FGD5: variants seen among roughly 807,000 people sequenced by gnomAD.
The protein encoded by FGD5 is FYVE, RhoGEF and PH domain containing 5.
A neutral mutation model predicts 133.4 loss-of-function variants in FGD5; 28 were observed. That is an observed-to-expected ratio of 0.21 (90% CI 0.16 to 0.29). The LOEUF is 0.29. FGD5 is among the 10% of genes least tolerant of loss of function. The probability of loss-of-function intolerance (pLI) is 1.00; values close to 1 mark genes in which losing one functional copy is unlikely to be tolerated. For synonymous variants in FGD5, 810 were observed against 776.5 expected, an observed-to-expected ratio of 1.04 and a Z score of -0.72; for missense variants, 1,858 against 1,895.2, an observed-to-expected ratio of 0.98 and a Z score of 0.36.
intron 1 of FGD5, among the ~76,000 whole-genome samples, chr3:14,849,070 CAA>C (rs577476957): frequency 3.3e-4 from 50 of 152,302 alleles, no homozygotes; most frequent in African/African-American, 1.1e-3. Flanking sequence ...AGTGACATGA[CAA>C]GAGCATGTGT....
chr3:14,880,143 T>G (rs995514794), intron 2 of FGD5, among the ~76,000 whole-genome samples: 2 of 151,982 alleles, frequency 1.3e-5, no homozygotes, highest in Non-Finnish European at 2.9e-5. Flanking sequence ...GCCCAGGAGT[T>G]CAAGACCAGC....
intron 17 of FGD5, among the ~76,000 whole-genome samples, chr3:14,924,811 C>G (rs2013496): frequency 6.6e-6 from 1 of 152,276 alleles, no homozygotes; most frequent in Non-Finnish European, 1.5e-5. Flanking sequence ...TCTTGGAAAT[C>G]ACACATACGG....
At chr3:14,908,099 A>C (rs552891114) in intron 10 of FGD5, among the ~76,000 whole-genome samples, 34 of 152,344 alleles carry the variant, frequency 2.2e-4, no homozygotes, top group Admixed American at 1.6e-3. Context: ...GAGGAGATAA[A>C]TCCACTCTCT....
intron 7 of FGD5, among the ~76,000 whole-genome samples, chr3:14,899,820 AC>A (rs2038203594): frequency 6.6e-6 from 1 of 152,164 alleles, no homozygotes; most frequent in African/African-American, 2.4e-5. Flanking sequence ...ATCAGGGAAG[AC>A]CTCTCTGAGG....
chr3:14,877,238 G>A (rs2037737154), intron 2 of FGD5, among the ~76,000 whole-genome samples: 1 of 152,226 alleles, frequency 6.6e-6, no homozygotes, highest in African/African-American at 2.4e-5. Flanking sequence ...GCGTGCCTCG[G>A]GCACACAGCC....
Position 14,819,515 on chromosome 3 carries a change from G to A in FGD5, c.444G>A (p.Glu148=), listed in dbSNP as rs1180104548. The A allele has an allele frequency of 1.0e-5, 16 of 1,551,472 alleles. No individual in the cohort carries two copies. In the Admixed American group the frequency reaches 3.1e-4, roughly 30 times the overall value. The change falls in exon 1 of 20, where the codon GAG becomes GAA. Residue 148 remains glutamate (E), a synonymous_variant. Transcript: ENST00000285046. This position sits in a 1 kb window ranked among gnomAD's most constrained non-coding sequence, Gnocchi z 4.1. ...GTDLALEDEG[E]GCADEPGTLE... is the part of the protein sequence containing the mutation. Reference sequence around the variant, plus strand: ...ACCTTGCTCTTGAGGATGAAGGGGAGGGCTGCGCTGATGAGCCAGGGACAC... The same window carrying A: ...ACCTTGCTCTTGAGGATGAAGGGGAAGGCTGCGCTGATGAGCCAGGGACAC...
At chr3:14,835,978 C>T (rs2036809007) in intron 1 of FGD5, among the ~76,000 whole-genome samples, 1 of 152,134 alleles carries the variant, frequency 6.6e-6, no homozygotes, top group Non-Finnish European at 1.5e-5. Context: ...TGGGAAATAC[C>T]AGGGAAGGGG....
chr3:14,813,006 G>A (rs1195339686), intron 1 of FGD5, among the ~76,000 whole-genome samples: 1 of 152,114 alleles, frequency 6.6e-6, no homozygotes, highest in Non-Finnish European at 1.5e-5. Context: ...GAGGTGCGGA[G>A]ATTTTATGGT....
intron 9 of FGD5, among the ~76,000 whole-genome samples, chr3:14,905,746 C>T (rs1287693896): frequency 6.6e-6 from 1 of 152,028 alleles, no homozygotes; most frequent in African/African-American, 2.4e-5. Context: ...GGCTCAGACA[C>T]CTGTGTCCCT....
chr3:14,925,446 G>A (rs1023141818), intron 17 of FGD5, among the ~76,000 whole-genome samples: 3 of 152,072 alleles, frequency 2.0e-5, no homozygotes, highest in Non-Finnish European at 2.9e-5. Context: ...TAAGGAAATT[G>A]AGACTTAGAA....
intron 1 of FGD5, among the ~76,000 whole-genome samples, chr3:14,847,401 T>TCCTA (rs2037070801): frequency 6.6e-6 from 1 of 152,256 alleles, no homozygotes; most frequent in Admixed American, 6.5e-5. Flanking sequence ...GTCTCCTGAC[T>TCCTA]CCTAGAACAG....
chr3:14,850,407 T>C (rs981696347), intron 1 of FGD5, among the ~76,000 whole-genome samples: 2 of 152,228 alleles, frequency 1.3e-5, no homozygotes, highest in African/African-American at 4.8e-5. Context: ...GGAAGCTCGT[T>C]TGTCTCCTAA....
At chr3:14,931,892 A>C (rs929761239) in intron 18 of FGD5, 1 of 152,142 alleles carries the variant, frequency 6.6e-6, no homozygotes, top group Non-Finnish European at 1.5e-5. Context: ...CATGAGTGCA[A>C]ATTCTGGATC....
chr3:14,880,863 A>G (rs1396355593), intron 4 of FGD5, 91 bp downstream of exon 4: 7 of 1,516,424 alleles, frequency 4.6e-6, no homozygotes, highest in Admixed American at 3.9e-5. Flanking sequence ...GACAGAGGTG[A>G]TTTCCATTAA....
chr3:14,827,014 C>A (rs2036612795), intron 1 of FGD5, among the ~76,000 whole-genome samples: 1 of 152,174 alleles, frequency 6.6e-6, no homozygotes. Context: ...TTTATGATTC[C>A]ATAATCATAA....
At chr3:14,839,233 TC>T (rs2036871087) in intron 1 of FGD5, among the ~76,000 whole-genome samples, 1 of 152,186 alleles carries the variant, frequency 6.6e-6, no homozygotes, top group Non-Finnish European at 1.5e-5. Context: ...CATTTAACCT[TC>T]CTGAGCCTCA....
At chr3:14,877,014 G>A (rs765508227) in intron 2 of FGD5, among the ~76,000 whole-genome samples, 1 of 152,224 alleles carries the variant, frequency 6.6e-6, no homozygotes, top group African/African-American at 2.4e-5. Context: ...TCAGGCAGGG[G>A]CAGGTGGCCT....
At position 14,820,648 on chromosome 3, in the gene FGD5, T is replaced by C; in HGVS notation, c.1577T>C (p.Leu526Ser). 6.2e-7 allele frequency: 1 copy of C among 1,602,250 alleles called. No homozygotes were observed. The highest frequency in any genetic ancestry group is 8.5e-7 in the Non-Finnish European group (1 of 1,174,810). The part of the protein sequence containing the change: ...AEEVGKTLLS[L>S]EGKPLEASRA... ...GAGGTGGGAAAGACGCTTTTGTCAT[T>C]GGAGGGGAAGCCCTTGGAAGCCAGC... Residue 526 changes from leucine (L) to serine (S), a missense_variant, in exon 1 of 20, where the codon TTG becomes TCG. By Grantham distance (145) the Leu-to-Ser change is moderately radical. Transcript: ENST00000285046.
chr3:14,901,720 G>T (rs1019926953), intron 9 of FGD5, among the ~76,000 whole-genome samples: 1 of 152,214 alleles, frequency 6.6e-6, no homozygotes, highest in Non-Finnish European at 1.5e-5. Flanking sequence ...TGATGGCCAT[G>T]TGTGCCGAGG....
Sources: gnomAD v4.1 joint callset for allele counts (sites outside exome capture counted in the v4.1 genomes callset) on GRCh38, gnomAD v4.1.1 for gene constraint, Gnocchi (gnomAD v3.1) non-coding constraint, MANE v1.5 for transcripts, NCBI Gene and HGNC (gene_info 2026-07-23, HGNC 2026-07-21) for gene names.